Variants in RGP1 observed in about 807,000 individuals in gnomAD.
RGP1 encodes the protein RGP1 partner of RAB6A GEF complex, also known as RAB6A-GEF complex partner protein 2.
A neutral mutation model predicts 44.5 loss-of-function variants in RGP1; 28 were observed. That is an observed-to-expected ratio of 0.63 (90% CI 0.47 to 0.86). The LOEUF (loss-of-function observed/expected upper bound fraction) is 0.86, where lower values mean the gene tolerates loss of function less well. Among genes scored for constraint, RGP1 ranks in the 40% least tolerant of loss-of-function variants. RGP1 has a pLI of 0.00. For synonymous variants in RGP1, 212 were observed against 196.7 expected, an observed-to-expected ratio of 1.08 and a Z score of -0.65; for missense variants, 417 against 490.7, an observed-to-expected ratio of 0.85 and a Z score of 1.42.
At position 35,750,886 on chromosome 9, in the gene RGP1, G is replaced by C. The variant is rs1426826282; in HGVS notation, c.384G>C (p.Arg128=). 1.2e-6 allele frequency: 2 copies of C among 1,613,970 alleles called. No homozygotes were observed. The highest frequency in any genetic ancestry group is 1.7e-6 in the Non-Finnish European group (2 of 1,179,890). Residue 128 remains arginine (R), a synonymous_variant, in exon 5 of 9, where the codon CGG becomes CGC. Transcript: ENST00000378078. The stretch of plus-strand genomic sequence containing the variant: ...CCATAGAGGGACCACCCTCCTTTCG[G>C]GGTCAGTCAGTCAAGTACGTCTACA... ...VLPIEGPPSF[R]GQSVKYVYKL... is the part of the protein sequence containing the mutation.
chr9:35,779,749 C>CT, the RGP1 span, among the ~76,000 whole-genome samples: 3 of 151,516 alleles, frequency 2.0e-5, no homozygotes, highest in African/African-American at 4.8e-5. Flanking sequence ...GAGCCAGCAT[C>CT]TTTTTTTTTA....
chr9:35,766,059 T>G, the RGP1 span, among the ~76,000 whole-genome samples: 1 of 151,098 alleles, frequency 6.6e-6, no homozygotes, highest in African/African-American at 2.4e-5. Flanking sequence ...GATCTCGATC[T>G]GACCTTGTGA....
the RGP1 span, among the ~76,000 whole-genome samples, chr9:35,773,934 G>A: frequency 6.6e-6 from 1 of 152,144 alleles, no homozygotes; most frequent in Non-Finnish European, 1.5e-5. Context: ...GACTCCCAGT[G>A]TTGGGGTTGC....
chr9:35,789,524 C>T, the RGP1 span, among the ~76,000 whole-genome samples: 1 of 151,562 alleles, frequency 6.6e-6, no homozygotes, highest in East Asian at 1.9e-4. Flanking sequence ...CGTGCCTGGC[C>T]CCTTCCTACT....
the RGP1 span, among the ~76,000 whole-genome samples, chr9:35,770,492 G>GGAGAGAGAGAGAGAGAGAGAGA: frequency 9.3e-6 from 1 of 107,112 alleles, no homozygotes; most frequent in Non-Finnish European, 1.9e-5. Context: ...GTATTACCAT[G>GGAGAGAGAGAGAGAGAGAGAGA]GAGAGAGAGA....
rs764482171 is a variant in RGP1, at chr9:35,749,795, T to G, written c.40T>G (p.Phe14Val). 1.8e-5 allele frequency: 29 copies of G among 1,613,684 alleles called. No individual in the cohort carries two copies. The Admixed American group carries it at 2.2e-4, about 12-fold the overall frequency. Residue 14 changes from phenylalanine to valine, a missense_variant, in exon 2 of 9, where the codon TTT becomes GTT. Transcript: ENST00000378078. The surrounding 1 kb of genome is among the most constrained non-coding windows in gnomAD (Gnocchi z 4.4). The part of the protein sequence containing the change: ...VVAELSRGPV[F>V]LAGEALECVV... ...AGCAGAGCTCAGCCGGGGTCCTGTA[T>G]TTTTGGCTGGGGAGGCGCTGGAGTG...
At chr9:35,759,917 CTT>C (rs34848500), downstream of RGP1, among the ~76,000 whole-genome samples, 49 of 132,942 alleles carry the variant, frequency 3.7e-4, no homozygotes, top group South Asian at 7.1e-4. Flanking sequence ...TTCATTTTTC[CTT>C]TTTTTTTTTT....
chr9:35,756,375 C>T lies in RGP1; in HGVS notation c.*3501C>T, dbSNP rs538781864. ...TGACTGTGTCAGTGCACCTCAAACTCCCTTGCTGTCCTTTTCCAAGGAGAC... is the reference window on the plus strand; with the variant it reads ...TGACTGTGTCAGTGCACCTCAAACTTCCTTGCTGTCCTTTTCCAAGGAGAC... On this transcript the variant is annotated 3_prime_UTR_variant, in exon 9 of 9. Coordinates refer to ENST00000378078, the MANE Select transcript of RGP1 (RefSeq NM_001080496.3). The T allele has an allele frequency of 9.2e-5, 14 of 152,444 alleles. No homozygotes were observed. Among genetic ancestry groups the T allele is most frequent in the Admixed American group, 8.5e-4 (13 of 15,314 alleles). The allele number at this position is 152,444 out of a possible 1,614,324, so 9.4% of individuals were successfully genotyped here. A position where few individuals can be genotyped will look rare whatever the true frequency, so the allele number is the denominator to read the frequency against.
In RGP1 at chr9:35,753,651, G is replaced by T. The variant is rs1176950412; in HGVS notation, c.*777G>T. The T allele has an allele frequency of 6.2e-7, 1 of 1,608,538 alleles. No homozygotes were observed. Among genetic ancestry groups the T allele is most frequent in the South Asian group, 1.1e-5 (1 of 90,874 alleles). ...GAGTCATTCTCTCTGGCCATCTTTG[G>T]TCACTCACGTGTCACAGCAGCCCAC... On this transcript the variant is annotated 3_prime_UTR_variant, in exon 9 of 9. Transcript: ENST00000378078. The surrounding 1 kb of genome is among the most constrained non-coding windows in gnomAD (Gnocchi z 4.2).
chr9:35,759,567 C>CAAAAAAAAAAA (rs57938702), downstream of RGP1, among the ~76,000 whole-genome samples: 2 of 38,280 alleles, frequency 5.2e-5, no homozygotes, highest in African/African-American at 2.0e-4. Flanking sequence ...ACCCTGTCTC[C>CAAAAAAAAAAA]AAAAAAAAAA....
intron 5 of RGP1, 80 bp downstream of exon 5, chr9:35,751,069 G>T (rs1426810652): frequency 7.7e-6 from 12 of 1,555,720 alleles, no homozygotes; most frequent in Non-Finnish European, 1.1e-5. Context: ...TTGCAAGAGG[G>T]ACTGCAGGGA....
chr9:35,749,718 C>A lies in RGP1; in HGVS notation c.-19-19C>A. On this transcript the variant is annotated intron_variant, in intron 1 of 8. Coordinates refer to ENST00000378078, the MANE Select transcript of RGP1 (RefSeq NM_001080496.3). This position sits in a 1 kb window ranked among gnomAD's most constrained non-coding sequence, Gnocchi z 4.4. ...CCCTGTCAAGGTGCTGACCTCCGCC[C>A]CGCCTTGTTTCCTTCTAGATCTGAT... The A allele has an allele frequency of 6.7e-7, 1 of 1,492,376 alleles. No homozygotes were observed. Among genetic ancestry groups the A allele is most frequent in the East Asian group, 2.3e-5 (1 of 43,812 alleles). 92.4% of individuals were successfully genotyped at this position (1,492,376 alleles called of 1,614,324 possible).
the RGP1 span, among the ~76,000 whole-genome samples, chr9:35,785,622 G>A: frequency 6.6e-6 from 1 of 152,298 alleles, no homozygotes; most frequent in African/African-American, 2.4e-5. Flanking sequence ...CTGGAGGGAA[G>A]TGAGACTGGA....
In RGP1 at chr9:35,758,409, A is replaced by C. The variant is rs1827387716; in HGVS notation, c.*5535A>C. On this transcript the variant is annotated 3_prime_UTR_variant, in exon 9 of 9. Transcript: ENST00000378078. ...ATTTATTAGTCTGACTTCTCTTCTA[A>C]AATCAACTCTAAAATGGTATTTTGT... 6.6e-6 allele frequency: 1 copy of C among 152,186 alleles called. No homozygotes were observed. The highest frequency in any genetic ancestry group is 2.4e-5 in the African/African-American group (1 of 41,430). The allele number at this position is 152,186 out of a possible 1,614,324, so 9.4% of individuals were successfully genotyped here. A position where few individuals can be genotyped will look rare whatever the true frequency, so the allele number is the denominator to read the frequency against.
At chr9:35,780,477 A>G in the RGP1 span, 5 of 152,268 alleles carry the variant, frequency 3.3e-5, no homozygotes, top group Admixed American at 6.5e-5. Flanking sequence ...ACCAAGCTCA[A>G]TGCTCAACAG....
rs1425747168 is a variant in RGP1 at position 35,749,581 on chromosome 9, G to A, written c.-19-156G>A. Among the ~76,000 whole-genome samples the A allele has an allele frequency of 6.6e-6, 1 of 152,030 alleles. No individual in the cohort carries two copies. The highest frequency in any genetic ancestry group is 1.5e-5 in the Non-Finnish European group (1 of 67,990). ...CCTGGGCAGTACTGAGTCTTCAGTC[G>A]CCTCCCTCCCACCCGCCTACCCCTC... On this transcript the variant is annotated intron_variant, in intron 1 of 8. Transcript: ENST00000378078. This position sits in a 1 kb window ranked among gnomAD's most constrained non-coding sequence, Gnocchi z 4.4.
downstream of RGP1, among the ~76,000 whole-genome samples, chr9:35,761,196 T>C (rs1017413751): frequency 7.2e-5 from 11 of 152,272 alleles, no homozygotes; most frequent in African/African-American, 2.4e-4. Context: ...GGTTGTTAGA[T>C]GCAAGTTTTG....
At chr9:35,752,620 A>G (rs1217104627) in intron 8 of RGP1, 31 bp from the exon 9 acceptor site, 1 of 1,540,492 alleles carries the variant, frequency 6.5e-7, no homozygotes, top group Admixed American at 1.9e-5. Context: ...CTAGCTTCTG[A>G]TGCTTCTACC....
the RGP1 span, among the ~76,000 whole-genome samples, chr9:35,778,684 T>G: frequency 2.0e-5 from 3 of 152,092 alleles, no homozygotes; most frequent in South Asian, 6.2e-4. Context: ...ACATACCCAC[T>G]CCCTCCTCTC....
Sources: allele counts gnomAD v4.1 joint callset (sites outside exome capture counted in the v4.1 genomes callset), GRCh38; gene constraint gnomAD v4.1.1; non-coding constraint Gnocchi (gnomAD v3.1); transcripts MANE v1.5; gene names NCBI Gene and HGNC (gene_info 2026-07-23, HGNC 2026-07-21).